The following CFAP299 variants were observed in gnomAD, a reference collection of about 807,000 sequenced individuals.
The protein encoded by CFAP299 is cilia- and flagella-associated protein 299.
A neutral mutation model predicts 27.0 loss-of-function variants in CFAP299; 21 were observed. That is an observed-to-expected ratio of 0.78 (90% CI 0.55 to 1.12). CFAP299 has a LOEUF of 1.12. CFAP299 is among the 50% of genes most tolerant of loss of function. The pLI is 0.00. For synonymous variants in CFAP299, 104 were observed against 98.1 expected, an observed-to-expected ratio of 1.06 and a Z score of -0.36; for missense variants, 310 against 276.6, an observed-to-expected ratio of 1.12 and a Z score of -0.86.
rs1170032376 is a variant in CFAP299, at chr4:80,913,109, C to G, written c.477-31701C>G. On this transcript the variant is annotated intron_variant, in intron 4 of 5. Coordinates refer to ENST00000358105, the MANE Select transcript of CFAP299 (RefSeq NM_152770.3). ...GCCCCCTGAAATGTAAATTTTTCCT[C>G]CCTGCATCTAAGGACATTACTGTCA... Among the ~76,000 whole-genome samples the G allele has an allele frequency of 2.6e-5, 4 of 152,114 alleles. No individual in the cohort carries two copies. In the East Asian group the frequency reaches 5.8e-4, roughly 22 times the overall value.
intron 3 of CFAP299, among the ~76,000 whole-genome samples, chr4:80,596,644 G>A (rs1268750177): frequency 2.0e-5 from 3 of 151,826 alleles, no homozygotes; most frequent in Admixed American, 2.0e-4. Context: ...TGTTAAATGT[G>A]CAGGTCCATA....
At chr4:80,384,254 A>G (rs988322296) in intron 2 of CFAP299, among the ~76,000 whole-genome samples, 2 of 152,132 alleles carry the variant, frequency 1.3e-5, no homozygotes, top group Non-Finnish European at 2.9e-5. Flanking sequence ...ACTTTTAATC[A>G]TATAACGTAA....
chr4:80,332,332 T>C (rs1339587251), upstream of CFAP299, among the ~76,000 whole-genome samples: 1 of 151,910 alleles, frequency 6.6e-6, no homozygotes, highest in African/African-American at 2.4e-5. Context: ...TCTGTGGAGG[T>C]GAGGGTGATT....
At chr4:80,922,942 A>G (rs1736117411) in intron 4 of CFAP299, among the ~76,000 whole-genome samples, 1 of 151,522 alleles carries the variant, frequency 6.6e-6, no homozygotes, top group Non-Finnish European at 1.5e-5. Context: ...TTTTACATAT[A>G]TTTGAAAGAG....
At chr4:80,399,641 C>T (rs528309331) in intron 2 of CFAP299, among the ~76,000 whole-genome samples, 33 of 140,764 alleles carry the variant, frequency 2.3e-4, no homozygotes, top group South Asian at 6.6e-4. Flanking sequence ...AATTGAACAA[C>T]GAGAACACTC....
chr4:80,377,871 G>A (rs139729075), intron 2 of CFAP299, among the ~76,000 whole-genome samples: 215 of 152,292 alleles, frequency 1.4e-3, no homozygotes, highest in African/African-American at 4.8e-3. Flanking sequence ...GGCTGGGGAG[G>A]CCTCTGAATT....
chr4:80,715,764 C>T (rs965078860), intron 3 of CFAP299, among the ~76,000 whole-genome samples: 1 of 151,824 alleles, frequency 6.6e-6, no homozygotes, highest in Non-Finnish European at 1.5e-5. Context: ...TGCTATTGGC[C>T]ATTTGATGGA....
chr4:80,522,849 T>G lies in CFAP299; in HGVS notation c.243-60244T>G, dbSNP rs114278872. On this transcript the variant is annotated intron_variant, in intron 2 of 5. Transcript: ENST00000358105. ...TCTCAGCTCTCTTATTTTTTTCCAT[T>G]GGTTTATATGTCTGTCATTATTCCA... Among the ~76,000 whole-genome samples the G allele has an allele frequency of 6.1e-4, 93 of 152,226 alleles. 1 individual carries two copies. The highest frequency in any genetic ancestry group is 2.0e-3 in the African/African-American group (85 of 41,564).
At chr4:80,430,855 C>T (rs190190872) in intron 2 of CFAP299, among the ~76,000 whole-genome samples, 17 of 152,336 alleles carry the variant, frequency 1.1e-4, no homozygotes, top group South Asian at 2.1e-4. Flanking sequence ...TAGCTTTCTC[C>T]GCTTCAGCCA....
At chr4:80,393,344 G>A (rs1168941852) in intron 2 of CFAP299, among the ~76,000 whole-genome samples, 3 of 152,054 alleles carry the variant, frequency 2.0e-5, no homozygotes, top group African/African-American at 7.2e-5. Flanking sequence ...ATTTAAGAAA[G>A]AATAACAATT....
chr4:80,365,260 T>C (rs1271609580), intron 2 of CFAP299, among the ~76,000 whole-genome samples: 1 of 152,194 alleles, frequency 6.6e-6, no homozygotes, highest in Non-Finnish European at 1.5e-5. Context: ...ACATCTGTTG[T>C]TTTTTGACTT....
At chr4:80,467,598 A>G (rs368164226) in intron 2 of CFAP299, among the ~76,000 whole-genome samples, 13 of 152,176 alleles carry the variant, frequency 8.5e-5, no homozygotes, top group African/African-American at 3.1e-4. Flanking sequence ...CTTGTTCAAT[A>G]TGAAGAAGAA....
intron 4 of CFAP299, among the ~76,000 whole-genome samples, chr4:80,912,626 G>A (rs894817241): frequency 4.6e-5 from 7 of 152,130 alleles, no homozygotes; most frequent in Admixed American, 2.0e-4. Context: ...ACTGGCCCAC[G>A]CGTATGGCTC....
At chr4:80,961,829 A>T (rs1004766669) in intron 5 of CFAP299, among the ~76,000 whole-genome samples, 3 of 151,988 alleles carry the variant, frequency 2.0e-5, no homozygotes, top group Non-Finnish European at 4.4e-5. Context: ...AAATACTTTA[A>T]AAAAGATTAT....
rs146317251 is a variant in CFAP299 at position 80,573,040 on chromosome 4, C to T, written c.243-10053C>T. On this transcript the variant is annotated intron_variant, in intron 2 of 5. Coordinates refer to ENST00000358105, the MANE Select transcript of CFAP299 (RefSeq NM_152770.3). ...CCTCTGTTTTTAGTTTTCTGAGGAACGTACAAACTGTTCTCCATAGTGGCT... is the reference window on the plus strand; with the variant it reads ...CCTCTGTTTTTAGTTTTCTGAGGAATGTACAAACTGTTCTCCATAGTGGCT... Among the ~76,000 whole-genome samples, 782 of 152,180 alleles carry T rather than the reference C, an allele frequency of 5.1e-3. 5 individuals carry two copies. The highest frequency in any genetic ancestry group is 0.02 in the Middle Eastern group (6 of 294).
intron 4 of CFAP299, among the ~76,000 whole-genome samples, chr4:80,905,712 C>T (rs1735149204): frequency 6.6e-6 from 1 of 152,062 alleles, no homozygotes; most frequent in Non-Finnish European, 1.5e-5. Flanking sequence ...AGAAGAAGTG[C>T]AGAGCAAAGG....
intron 2 of CFAP299, among the ~76,000 whole-genome samples, chr4:80,448,039 A>G (rs2110093732): frequency 6.6e-6 from 1 of 152,370 alleles, no homozygotes; most frequent in South Asian, 2.1e-4. Flanking sequence ...AGGCACCAGC[A>G]GTCAGCAATC....
chr4:80,722,371 C>G (rs949408505), intron 3 of CFAP299, among the ~76,000 whole-genome samples: 1 of 150,202 alleles, frequency 6.7e-6, no homozygotes, highest in Non-Finnish European at 1.5e-5. Flanking sequence ...GAGCCGAGAT[C>G]GTGCCATGGC....
At chr4:80,862,855 G>A (rs144902236) in intron 3 of CFAP299, among the ~76,000 whole-genome samples, 4 of 152,202 alleles carry the variant, frequency 2.6e-5, no homozygotes, top group Admixed American at 6.5e-5. Flanking sequence ...TTTAAAAACA[G>A]TTATCAGCAC....
Sources: allele counts gnomAD v4.1 joint callset (sites outside exome capture counted in the v4.1 genomes callset), GRCh38; gene constraint gnomAD v4.1.1; transcripts MANE v1.5; gene names NCBI Gene and HGNC (gene_info 2026-07-23, HGNC 2026-07-21).